Variants in CSMD1 observed in about 807,000 individuals in gnomAD.
The protein encoded by CSMD1 is CUB and Sushi multiple domains 1, also known as CUB and sushi domain-containing protein 1.
A neutral mutation model predicts 417.5 loss-of-function variants in CSMD1; 213 were observed. The ratio of observed to expected loss-of-function variants is 0.51; its 90% confidence interval spans 0.46 to 0.57. CSMD1 has a LOEUF of 0.57. Ranked by LOEUF, CSMD1 falls within the 20% of genes least tolerant of loss-of-function variation. The pLI is 0.00. For synonymous variants in CSMD1, 2,862 were observed against 1,736.8 expected, an observed-to-expected ratio of 1.65 and a Z score of -16.11; for missense variants, 6,923 against 4,529.7, an observed-to-expected ratio of 1.53 and a Z score of -15.17.
chr8:3,164,796 A>G (rs1820109063), intron 37 of CSMD1, among the ~76,000 whole-genome samples: 1 of 152,218 alleles, frequency 6.6e-6, no homozygotes, highest in Admixed American at 6.5e-5. Flanking sequence ...TTTGAAATGA[A>G]AAGTGAAACA....
At chr8:3,545,637 G>C (rs1303531247) in intron 10 of CSMD1, among the ~76,000 whole-genome samples, 1 of 152,204 alleles carries the variant, frequency 6.6e-6, no homozygotes, top group Non-Finnish European at 1.5e-5. Flanking sequence ...CAATTCAGGT[G>C]CATCATCAGC....
intron 37 of CSMD1, among the ~76,000 whole-genome samples, chr8:3,178,879 A>G (rs755614895): frequency 6.6e-6 from 1 of 152,168 alleles, no homozygotes; most frequent in Non-Finnish European, 1.5e-5. Flanking sequence ...TTACATCAAC[A>G]GTCCTGATAC....
intron 1 of CSMD1, among the ~76,000 whole-genome samples, chr8:4,692,115 A>G (rs377447610): frequency 6.6e-6 from 1 of 152,042 alleles, no homozygotes; most frequent in African/African-American, 2.4e-5. Context: ...GCACCCTGGT[A>G]CTCAGCCCAG....
intron 3 of CSMD1, among the ~76,000 whole-genome samples, chr8:4,338,280 G>C (rs186032914): frequency 2.4e-4 from 36 of 152,252 alleles, no homozygotes; most frequent in African/African-American, 7.2e-4. Context: ...AAGTGCAAGA[G>C]TTCAATGCAG....
chr8:3,513,094 T>G (rs1020476455), intron 10 of CSMD1, among the ~76,000 whole-genome samples: 3 of 151,920 alleles, frequency 2.0e-5, no homozygotes, highest in Admixed American at 6.6e-5. Context: ...TGTCTAGCCC[T>G]CCTTGGGGTG....
At chr8:3,960,111 G>C (rs1359012164) in intron 5 of CSMD1, among the ~76,000 whole-genome samples, 1 of 152,198 alleles carries the variant, frequency 6.6e-6, no homozygotes, top group Non-Finnish European at 1.5e-5. Flanking sequence ...GGAAACACAG[G>C]TTGTTCAAAA....
At chr8:3,749,909 G>C (rs186662938) in intron 6 of CSMD1, among the ~76,000 whole-genome samples, 1 of 152,038 alleles carries the variant, frequency 6.6e-6, no homozygotes, top group African/African-American at 2.4e-5. Flanking sequence ...CCTATTGTGT[G>C]TAGCTACTCA....
chr8:4,625,348 G>C (rs565441879), intron 2 of CSMD1, among the ~76,000 whole-genome samples: 12 of 152,064 alleles, frequency 7.9e-5, no homozygotes, highest in South Asian at 2.1e-4. Context: ...TCAAGTTTCA[G>C]TGCAAAATGT....
intron 5 of CSMD1, among the ~76,000 whole-genome samples, chr8:3,800,477 C>CA (rs1343272338): frequency 2.0e-5 from 3 of 152,038 alleles, no homozygotes; most frequent in African/African-American, 7.2e-5. Flanking sequence ...TATCCACATG[C>CA]AAAAATGCAT....
At chr8:3,780,624 C>T (rs1253445590) in intron 5 of CSMD1, among the ~76,000 whole-genome samples, 1 of 152,168 alleles carries the variant, frequency 6.6e-6, no homozygotes, top group African/African-American at 2.4e-5. Flanking sequence ...TCAAACTGGG[C>T]CTGCTCCCAG....
chr8:4,432,867 A>C (rs1471851708), intron 2 of CSMD1, among the ~76,000 whole-genome samples: 3 of 152,210 alleles, frequency 2.0e-5, no homozygotes, highest in Non-Finnish European at 1.5e-5. Flanking sequence ...TCCAACCGCG[A>C]GCCACGAATG....
chr8:3,751,485 T>C (rs1797341062), intron 6 of CSMD1, among the ~76,000 whole-genome samples: 2 of 148,400 alleles, frequency 1.3e-5, no homozygotes, highest in Admixed American at 1.4e-4. Flanking sequence ...GCATATATTA[T>C]AGAATATATA....
At chr8:4,845,502 G>C (rs1801089063) in intron 1 of CSMD1, among the ~76,000 whole-genome samples, 1 of 152,196 alleles carries the variant, frequency 6.6e-6, no homozygotes, top group African/African-American at 2.4e-5. Context: ...CAATTTTGAA[G>C]TCACGTTCTC....
At chr8:4,605,362 G>C (rs1185300897) in intron 2 of CSMD1, among the ~76,000 whole-genome samples, 3 of 152,192 alleles carry the variant, frequency 2.0e-5, no homozygotes, top group Non-Finnish European at 2.9e-5. Flanking sequence ...TGAGCAAAGA[G>C]AGGTTGAGTC....
chr8:3,497,084 C>G (rs933043403), intron 10 of CSMD1, among the ~76,000 whole-genome samples: 2 of 152,194 alleles, frequency 1.3e-5, no homozygotes, highest in African/African-American at 4.8e-5. Context: ...GAAGAATATT[C>G]ATACCATGTA....
intron 5 of CSMD1, among the ~76,000 whole-genome samples, chr8:3,983,776 T>C (rs1348690936): frequency 6.6e-6 from 1 of 152,132 alleles, no homozygotes; most frequent in African/African-American, 2.4e-5. Flanking sequence ...ACTGCACCTC[T>C]AGAGCACGTC....
At chr8:3,515,553 T>C (rs1281602478) in intron 10 of CSMD1, among the ~76,000 whole-genome samples, 2 of 152,202 alleles carry the variant, frequency 1.3e-5, no homozygotes, top group Admixed American at 6.5e-5. Flanking sequence ...AAGCAGGACA[T>C]GCTCTCCCAT....
chr8:4,562,038 A>G (rs1798364835), intron 2 of CSMD1, among the ~76,000 whole-genome samples: 1 of 152,224 alleles, frequency 6.6e-6, no homozygotes, highest in Non-Finnish European at 1.5e-5. Context: ...AAGGCCGTAC[A>G]TATTCAATGC....
intron 33 of CSMD1, among the ~76,000 whole-genome samples, chr8:3,194,403 A>C (rs1158316531): frequency 8.4e-6 from 1 of 118,538 alleles, no homozygotes; most frequent in Non-Finnish European, 2.0e-5. Context: ...AGACCATCTG[A>C]TTAACTATTT....
Sources: allele counts gnomAD v4.1 joint callset (sites outside exome capture counted in the v4.1 genomes callset), GRCh38; gene constraint gnomAD v4.1.1; transcripts MANE v1.5; gene names NCBI Gene and HGNC (gene_info 2026-07-23, HGNC 2026-07-21).